The following CDH12 variants were observed in gnomAD, a reference collection of about 807,000 sequenced individuals.
CDH12 encodes the protein cadherin 12, also known as cadherin-12.
Under a neutral mutation model 74.1 loss-of-function variants are expected in CDH12, and 41 were observed. The observed-to-expected ratio is 0.55, with a 90% CI of 0.43 to 0.72. The LOEUF (loss-of-function observed/expected upper bound fraction) is 0.72, where lower values mean the gene tolerates loss of function less well. Ranked by LOEUF, CDH12 falls within the 30% of genes least tolerant of loss-of-function variation. The pLI is 0.00. For synonymous variants in CDH12, 399 were observed against 355.0 expected, an observed-to-expected ratio of 1.12 and a Z score of -1.39; for missense variants, 945 against 977.2, an observed-to-expected ratio of 0.97 and a Z score of 0.44.
chr5:22,584,209 C>T (rs1405960030), intron 1 of CDH12, among the ~76,000 whole-genome samples: 1 of 152,052 alleles, frequency 6.6e-6, no homozygotes, highest in Non-Finnish European at 1.5e-5. Context: ...AAGGGATTCT[C>T]CTGCCTCAGC....
chr5:22,625,343 G>GA lies in CDH12; in HGVS notation c.-522-119980dup, dbSNP rs542705488. ...AATAAATAAATAAGTTCAATGATAG[G>GA]AAAAAAAAGAAAGAGGCAAGTTGAA... On this transcript the variant is annotated intron_variant, in intron 1 of 14. Transcript: ENST00000382254. Among the ~76,000 whole-genome samples the GA allele has an allele frequency of 3.1e-3, 464 of 151,756 alleles. 1 individual carries two copies. The highest frequency in any genetic ancestry group is 5.0e-3 in the Non-Finnish European group (340 of 67,858).
intron 9 of CDH12, among the ~76,000 whole-genome samples, chr5:21,802,961 CTCA>C (rs1455097805): frequency 2.0e-5 from 3 of 152,156 alleles, no homozygotes; most frequent in African/African-American, 7.2e-5. Flanking sequence ...GTTTGAAAAA[CTCA>C]TCATTTACGT....
At chr5:22,556,453 C>T (rs762294862) in intron 1 of CDH12, among the ~76,000 whole-genome samples, 1 of 152,052 alleles carries the variant, frequency 6.6e-6, no homozygotes, top group Non-Finnish European at 1.5e-5. Flanking sequence ...AATATTTTCT[C>T]AAGAACCAGC....
chr5:22,302,106 A>G (rs1561295942), intron 3 of CDH12, among the ~76,000 whole-genome samples: 1 of 152,180 alleles, frequency 6.6e-6, no homozygotes. Flanking sequence ...TATATATTAC[A>G]CATAAATATT....
At chr5:22,250,189 GAAT>G (rs1561255101) in intron 3 of CDH12, among the ~76,000 whole-genome samples, 2 of 127,664 alleles carry the variant, frequency 1.6e-5, no homozygotes, top group South Asian at 5.7e-4. Flanking sequence ...AAAAAGAAAA[GAAT>G]ATATATATAT....
At chr5:22,075,230 T>C (rs1481556869) in intron 5 of CDH12, among the ~76,000 whole-genome samples, 1 of 147,584 alleles carries the variant, frequency 6.8e-6, no homozygotes, top group Non-Finnish European at 1.5e-5. Context: ...AAACACCACA[T>C]GTTCTCACTC....
intron 1 of CDH12, among the ~76,000 whole-genome samples, chr5:22,822,632 A>G (rs947743952): frequency 7.2e-5 from 11 of 152,248 alleles, no homozygotes; most frequent in African/African-American, 1.7e-4. Flanking sequence ...ACATGAAAAA[A>G]TGCTCATCAT....
intron 3 of CDH12, among the ~76,000 whole-genome samples, chr5:22,302,295 CAAT>C (rs1737919168): frequency 6.6e-6 from 1 of 152,056 alleles, no homozygotes. Context: ...CAAGAAATAA[CAAT>C]GCAAATATTC....
chr5:22,260,843 G>C (rs576997019), intron 3 of CDH12, among the ~76,000 whole-genome samples: 1 of 151,712 alleles, frequency 6.6e-6, no homozygotes, highest in Non-Finnish European at 1.5e-5. Flanking sequence ...TTTATAAGTG[G>C]GAATGACTTG....
At chr5:22,677,893 C>G (rs1371496300) in intron 1 of CDH12, among the ~76,000 whole-genome samples, 1 of 152,046 alleles carries the variant, frequency 6.6e-6, no homozygotes, top group Non-Finnish European at 1.5e-5. Flanking sequence ...AGGACCTCTT[C>G]CTGGTGATGT....
chr5:22,423,988 G>A (rs1443547560), intron 2 of CDH12, among the ~76,000 whole-genome samples: 3 of 109,058 alleles, frequency 2.8e-5, no homozygotes. Context: ...GGGCGACAGA[G>A]CGAGACTCTG....
At chr5:21,830,159 A>G (rs1458982971) in intron 8 of CDH12, among the ~76,000 whole-genome samples, 1 of 135,534 alleles carries the variant, frequency 7.4e-6, no homozygotes, top group Non-Finnish European at 1.5e-5. Context: ...AGATCCCACC[A>G]TTACACTCCA....
At chr5:22,580,756 T>A in intron 1 of CDH12, 1 of 299,604 alleles carries the variant, frequency 3.3e-6, no homozygotes, top group Non-Finnish European at 6.8e-6. Context: ...TTCTCCTTTA[T>A]TGGATAGCAT....
chr5:21,827,644 AT>A (rs956153286), intron 8 of CDH12, among the ~76,000 whole-genome samples: 2 of 152,142 alleles, frequency 1.3e-5, no homozygotes, highest in Non-Finnish European at 2.9e-5. Flanking sequence ...TTGTAACATT[AT>A]TTTTTAAAGC....
chr5:22,770,285 G>A (rs1746739378), intron 1 of CDH12, among the ~76,000 whole-genome samples: 1 of 152,074 alleles, frequency 6.6e-6, no homozygotes, highest in Admixed American at 6.6e-5. Context: ...TTAAAGAAAA[G>A]CAAACAGGAT....
intron 3 of CDH12, among the ~76,000 whole-genome samples, chr5:22,225,825 G>T (rs1327126759): frequency 6.6e-6 from 1 of 152,140 alleles, no homozygotes; most frequent in African/African-American, 2.4e-5. Flanking sequence ...AAAGATTTAA[G>T]AAAACTTTCT....
At chr5:22,124,432 T>C (rs950900364) in intron 4 of CDH12, among the ~76,000 whole-genome samples, 1 of 152,142 alleles carries the variant, frequency 6.6e-6, no homozygotes, top group Admixed American at 6.5e-5. Flanking sequence ...CCTTGCTTAT[T>C]TTTTTCAAAA....
At chr5:21,834,356 G>A (rs1749413242) in intron 8 of CDH12, among the ~76,000 whole-genome samples, 1 of 151,684 alleles carries the variant, frequency 6.6e-6, no homozygotes, top group Admixed American at 6.6e-5. Context: ...GACCAAAAGG[G>A]TAATATATTC....
At chr5:22,298,135 T>G (rs1161966432) in intron 3 of CDH12, among the ~76,000 whole-genome samples, 1 of 149,914 alleles carries the variant, frequency 6.7e-6, no homozygotes, top group Non-Finnish European at 1.5e-5. Flanking sequence ...ATGATACAAT[T>G]TAATATATAT....
Sources: gnomAD v4.1 joint callset for allele counts (sites outside exome capture counted in the v4.1 genomes callset) on GRCh38, gnomAD v4.1.1 for gene constraint, MANE v1.5 for transcripts, NCBI Gene and HGNC (gene_info 2026-07-23, HGNC 2026-07-21) for gene names.